The following ADGRL2 variants were observed in gnomAD, a reference collection of about 807,000 sequenced individuals.
The protein encoded by ADGRL2 is adhesion G protein-coupled receptor L2.
In ADGRL2, 44 loss-of-function variants were observed where a neutral mutation model predicts 157.4. The ratio of observed to expected loss-of-function variants is 0.28; its 90% confidence interval spans 0.22 to 0.36. The LOEUF (loss-of-function observed/expected upper bound fraction) is 0.36, where lower values mean the gene tolerates loss of function less well. Among genes scored for constraint, ADGRL2 ranks in the 10% least tolerant of loss-of-function variants. The pLI, the probability that ADGRL2 is intolerant of heterozygous loss-of-function variation, is 1.00. For synonymous variants in ADGRL2, 585 were observed against 624.7 expected (o/e 0.94, Z 0.95); for missense variants, 1,510 against 1,768.9 (o/e 0.85, Z 2.63).
chr1:81,534,425 G>C (rs2079683227), intron 2 of ADGRL2, among the ~76,000 whole-genome samples: 1 of 152,188 alleles, frequency 6.6e-6, no homozygotes, highest in African/African-American at 2.4e-5. Context: ...GCCTCCCAAA[G>C]TGCTGGGGTT....
At chr1:81,825,401 T>A (rs771417489) in intron 1 of ADGRL2, among the ~76,000 whole-genome samples, 5 of 151,884 alleles carry the variant, frequency 3.3e-5, no homozygotes, top group Non-Finnish European at 7.4e-5. Flanking sequence ...CAGGCTGGAG[T>A]GCAGTGGCGC....
At chr1:81,439,354 T>C (rs1467199706) in intron 1 of ADGRL2, among the ~76,000 whole-genome samples, 3 of 152,234 alleles carry the variant, frequency 2.0e-5, no homozygotes, top group South Asian at 2.1e-4. Flanking sequence ...GAATCCTGAC[T>C]CCACCACTTC....
At chr1:81,497,419 T>G (rs1212446465) in intron 2 of ADGRL2, among the ~76,000 whole-genome samples, 4 of 152,122 alleles carry the variant, frequency 2.6e-5, no homozygotes, top group African/African-American at 9.7e-5. Context: ...CAATATGGAC[T>G]ATAATTATTT....
intron 2 of ADGRL2, among the ~76,000 whole-genome samples, chr1:81,902,769 A>C (rs2094511180): frequency 6.6e-6 from 1 of 152,144 alleles, no homozygotes. Context: ...TCCATAATTG[A>C]TTCATGTTTA....
chr1:81,357,272 T>G (rs1285594147), intron 1 of ADGRL2, among the ~76,000 whole-genome samples: 2 of 151,942 alleles, frequency 1.3e-5, no homozygotes, highest in Non-Finnish European at 2.9e-5. Flanking sequence ...AAAATTAATA[T>G]TTTGTGATTA....
At chr1:81,644,124 A>G (rs1001373350) in intron 3 of ADGRL2, among the ~76,000 whole-genome samples, 5 of 152,224 alleles carry the variant, frequency 3.3e-5, no homozygotes, top group Non-Finnish European at 5.9e-5. Flanking sequence ...AATATATTGG[A>G]AGAAAGTCTT....
Position 81,336,353 on chromosome 1 carries a change from C to G in ADGRL2, c.-302+29844C>G, listed in dbSNP as rs1468677345. On this transcript the variant is annotated intron_variant, in intron 1 of 24. Coordinates refer to the ADGRL2 transcript ENST00000370721. The stretch of plus-strand genomic sequence containing the variant: ...TGCTTCCACAGTAGCCCATTTTAAC[C>G]CTCTATTTCACTCATGTTGATGAGG... 2.6e-5 allele frequency among the ~76,000 whole-genome samples: 4 copies of G among 152,050 alleles called. No individual in the cohort carries two copies. The South Asian group carries it at 8.3e-4, about 32-fold the overall frequency.
At chr1:81,648,563 A>T (rs112328856) in intron 3 of ADGRL2, among the ~76,000 whole-genome samples, 1,859 of 152,276 alleles carry the variant, frequency 0.012, 29 homozygotes, top group African/African-American at 0.04. Context: ...ATGGTTAATT[A>T]CAGTTAAAAT....
At chr1:81,401,045 C>T (rs1000892238) in intron 1 of ADGRL2, among the ~76,000 whole-genome samples, 1 of 152,096 alleles carries the variant, frequency 6.6e-6, no homozygotes, top group Non-Finnish European at 1.5e-5. Context: ...GGTACTATTT[C>T]CTTAGGAGGC....
At chr1:81,370,049 C>A (rs1042523070) in intron 1 of ADGRL2, among the ~76,000 whole-genome samples, 1 of 152,054 alleles carries the variant, frequency 6.6e-6, no homozygotes, top group African/African-American at 2.4e-5. Context: ...GTTAGTTCTA[C>A]CTCACCTGCC....
chr1:81,681,466 GGT>G (rs2083111951), intron 3 of ADGRL2, among the ~76,000 whole-genome samples: 1 of 152,170 alleles, frequency 6.6e-6, no homozygotes, highest in Non-Finnish European at 1.5e-5. Context: ...ATAAAGTCCC[GGT>G]GTATTTCCTA....
chr1:81,719,745 G>A (rs1228544508), intron 1 of ADGRL2, among the ~76,000 whole-genome samples: 3 of 152,042 alleles, frequency 2.0e-5, no homozygotes, highest in Non-Finnish European at 2.9e-5. Flanking sequence ...GGATATGATG[G>A]TTCTTTGTAT....
chr1:81,505,198 CCACACACACACA>C (rs371854437), intron 2 of ADGRL2: 39 of 507,344 alleles, frequency 7.7e-5, no homozygotes, highest in Non-Finnish European at 4.2e-5. Context: ...ACCCCCACTC[CCACACACACACA>C]CACACACACA....
intron 1 of ADGRL2, among the ~76,000 whole-genome samples, chr1:81,411,087 T>C (rs1183607583): frequency 6.6e-6 from 1 of 152,178 alleles, no homozygotes; most frequent in Non-Finnish European, 1.5e-5. Flanking sequence ...TCCAAAATGA[T>C]TGGAGGAGTA....
chr1:81,599,904 T>C (rs1013540227), intron 3 of ADGRL2, among the ~76,000 whole-genome samples: 2 of 152,182 alleles, frequency 1.3e-5, no homozygotes, highest in Non-Finnish European at 2.9e-5. Flanking sequence ...ATATGAAAAA[T>C]ACAGGCATGT....
chr1:81,527,342 T>C (rs1349667123), intron 2 of ADGRL2, among the ~76,000 whole-genome samples: 1 of 152,162 alleles, frequency 6.6e-6, no homozygotes, highest in African/African-American at 2.4e-5. Context: ...TGAGATAATA[T>C]TAAGAGGGGG....
chr1:81,642,248 CAAAAA>C (rs35830955), intron 3 of ADGRL2, among the ~76,000 whole-genome samples: 2 of 61,628 alleles, frequency 3.2e-5, no homozygotes, highest in Non-Finnish European at 6.5e-5. Context: ...ACTCTGTCTC[CAAAAA>C]AAAAAAAAAA....
chr1:81,941,200 A>G (rs1288134885), intron 4 of ADGRL2, among the ~76,000 whole-genome samples: 2 of 150,884 alleles, frequency 1.3e-5, no homozygotes, highest in Non-Finnish European at 3.0e-5. Flanking sequence ...TAGACTTAGT[A>G]TTACAAGTTT....
chr1:81,921,185 A>G (rs930662225), intron 3 of ADGRL2, among the ~76,000 whole-genome samples: 20 of 152,220 alleles, frequency 1.3e-4, no homozygotes, highest in Non-Finnish European at 2.5e-4. Flanking sequence ...CTTTTACTTA[A>G]TAATGTCATA....
Sources: allele counts gnomAD v4.1 joint callset (sites outside exome capture counted in the v4.1 genomes callset), GRCh38; gene constraint gnomAD v4.1.1; transcripts MANE v1.5; gene names NCBI Gene and HGNC (gene_info 2026-07-23, HGNC 2026-07-21).